The following CA10 variants were observed in gnomAD, a reference collection of about 807,000 sequenced individuals.
The protein encoded by CA10 is carbonic anhydrase 10 (inactive).
In CA10, 14 loss-of-function variants were observed where a neutral mutation model predicts 44.2. That is an observed-to-expected ratio of 0.32 (90% confidence interval 0.21 to 0.50). The LOEUF is 0.50. CA10 is among the 20% of genes least tolerant of loss of function. The pLI, the probability that CA10 is intolerant of heterozygous loss-of-function variation, is 0.99. For synonymous variants in CA10, 159 were observed against 141.6 expected (o/e 1.12, Z -0.87); for missense variants, 350 against 409.7 (o/e 0.85, Z 1.26).
chr17:51,843,325 C>T (rs910798749), intron 3 of CA10, among the ~76,000 whole-genome samples: 2 of 152,186 alleles, frequency 1.3e-5, no homozygotes, highest in Non-Finnish European at 2.9e-5. Flanking sequence ...AAGTTGACAA[C>T]TCTCTAATTA....
intron 2 of CA10, among the ~76,000 whole-genome samples, chr17:52,063,049 G>T (rs113522244): frequency 6.6e-6 from 1 of 152,230 alleles, no homozygotes; most frequent in Non-Finnish European, 1.5e-5. Flanking sequence ...ATATCAGTAT[G>T]CCCAGGATGC....
chr17:51,892,406 C>A (rs867715759), intron 3 of CA10, among the ~76,000 whole-genome samples: 1 of 152,058 alleles, frequency 6.6e-6, no homozygotes, highest in Non-Finnish European at 1.5e-5. Context: ...TATAAACAAT[C>A]CTGGGAGATA....
chr17:51,660,071 A>G (rs989317936), intron 4 of CA10, among the ~76,000 whole-genome samples: 1 of 152,220 alleles, frequency 6.6e-6, no homozygotes, highest in Non-Finnish European at 1.5e-5. Context: ...TTAAAAATGA[A>G]GAAAATGAGG....
intron 2 of CA10, among the ~76,000 whole-genome samples, chr17:51,972,532 C>T (rs902121279): frequency 1.3e-5 from 2 of 151,958 alleles, no homozygotes; most frequent in African/African-American, 2.4e-5. Flanking sequence ...ATTCGTAAGA[C>T]TCCTGGTCTT....
At chr17:52,097,157 G>A (rs752120089) in intron 1 of CA10, among the ~76,000 whole-genome samples, 1 of 152,008 alleles carries the variant, frequency 6.6e-6, no homozygotes, top group Non-Finnish European at 1.5e-5. Flanking sequence ...TTGCTTAATT[G>A]TAGAGTATGC....
At chr17:51,880,047 C>A (rs973358837) in intron 3 of CA10, among the ~76,000 whole-genome samples, 1 of 152,120 alleles carries the variant, frequency 6.6e-6, no homozygotes, top group Non-Finnish European at 1.5e-5. Flanking sequence ...GAATCCACAC[C>A]TCAACTATCT....
chr17:51,966,869 C>G (rs1299140046), intron 2 of CA10, among the ~76,000 whole-genome samples: 1 of 151,608 alleles, frequency 6.6e-6, no homozygotes, highest in Admixed American at 6.6e-5. Flanking sequence ...CAAGCAGGAC[C>G]TAATTAAATA....
intron 2 of CA10, among the ~76,000 whole-genome samples, chr17:52,043,422 A>G (rs571481731): frequency 6.0e-5 from 9 of 150,716 alleles, no homozygotes; most frequent in African/African-American, 1.9e-4. Flanking sequence ...GATTTTATAT[A>G]CTGCAACTTT....
intron 3 of CA10, among the ~76,000 whole-genome samples, chr17:51,801,576 G>GA (rs1052519881): frequency 1.0e-4 from 15 of 148,480 alleles, no homozygotes; most frequent in South Asian, 2.1e-4. Context: ...GACAGACAAT[G>GA]AAAAAAAAAA....
chr17:51,954,681 C>T (rs1480771298), intron 2 of CA10, among the ~76,000 whole-genome samples: 1 of 152,158 alleles, frequency 6.6e-6, no homozygotes. Context: ...GATCAGATTG[C>T]TTTTATTCTG....
At chr17:52,152,288 C>A (rs1989719854) in intron 1 of CA10, among the ~76,000 whole-genome samples, 2 of 152,114 alleles carry the variant, frequency 1.3e-5, no homozygotes, top group African/African-American at 2.4e-5. Flanking sequence ...AATACAAAAA[C>A]GAAAGTCACA....
At position 51,662,340 on chromosome 17, in the gene CA10, A is replaced by G. The variant is rs145092635; in HGVS notation, c.466-8604T>C. On this transcript the variant is annotated intron_variant, in intron 4 of 8. Coordinates refer to ENST00000451037, the MANE Select transcript of CA10 (RefSeq NM_020178.5). ...TTCCATAGCCTAAAACAGCTCACCC[A>G]TATTACCACATTTGTTCCTAAAATA... Among the ~76,000 whole-genome samples the G allele has an allele frequency of 2.3e-4, 35 of 152,330 alleles. No individual in the cohort carries two copies. In the East Asian group the frequency reaches 6.2e-3, roughly 27 times the overall value.
intron 2 of CA10, among the ~76,000 whole-genome samples, chr17:52,057,189 C>A (rs1019706039): frequency 7.2e-5 from 11 of 152,018 alleles, no homozygotes; most frequent in African/African-American, 2.7e-4. Flanking sequence ...GGGGTGTGAG[C>A]TACGTAGGTC....
At chr17:51,766,496 C>T (rs1277975720) in intron 3 of CA10, among the ~76,000 whole-genome samples, 1 of 152,138 alleles carries the variant, frequency 6.6e-6, no homozygotes, top group Non-Finnish European at 1.5e-5. Flanking sequence ...CAAGTTCTGG[C>T]TCCTTTGCTC....
chr17:52,085,138 C>T (rs1244347928), intron 1 of CA10, among the ~76,000 whole-genome samples: 1 of 152,226 alleles, frequency 6.6e-6, no homozygotes, highest in East Asian at 1.9e-4. Flanking sequence ...AGCTGATACA[C>T]ACTTGCCTTC....
intron 2 of CA10, among the ~76,000 whole-genome samples, chr17:51,963,642 C>A (rs923328352): frequency 6.6e-6 from 1 of 152,106 alleles, no homozygotes; most frequent in Non-Finnish European, 1.5e-5. Context: ...AAATTCCAAC[C>A]AAGAATTCAC....
At chr17:51,827,424 G>A (rs1251518262) in intron 3 of CA10, among the ~76,000 whole-genome samples, 6 of 151,884 alleles carry the variant, frequency 4.0e-5, no homozygotes, top group Non-Finnish European at 8.8e-5. Context: ...CACTAAAGAT[G>A]TTAAAATGTG....
chr17:51,955,185 T>G (rs1983621550), intron 2 of CA10, among the ~76,000 whole-genome samples: 1 of 152,144 alleles, frequency 6.6e-6, no homozygotes, highest in Non-Finnish European at 1.5e-5. Flanking sequence ...AAAACTGGTT[T>G]CCTACTGCTC....
At chr17:51,931,259 T>A in intron 2 of CA10, 127 bp from the exon 3 acceptor site, 4 of 844,390 alleles carry the variant, frequency 4.7e-6, no homozygotes, top group Non-Finnish European at 7.4e-6. Context: ...CCCATGGAGA[T>A]CCTTGGGGGT....
Sources: gnomAD v4.1 joint callset for allele counts (sites outside exome capture counted in the v4.1 genomes callset) on GRCh38, gnomAD v4.1.1 for gene constraint, MANE v1.5 for transcripts, NCBI Gene and HGNC (gene_info 2026-07-23, HGNC 2026-07-21) for gene names.